Variants in CRACR2A observed in about 807,000 individuals in gnomAD.
The protein encoded by CRACR2A is calcium release activated channel regulator 2A.
A neutral mutation model predicts 90.5 loss-of-function variants in CRACR2A; 79 were observed. The ratio of observed to expected loss-of-function variants is 0.87; its 90% CI spans 0.73 to 1.05. The LOEUF is 1.05. CRACR2A is among the 50% of genes least tolerant of loss of function. The pLI is 0.00. For synonymous variants in CRACR2A, 338 were observed against 356.7 expected, an observed-to-expected ratio of 0.95 and a Z score of 0.59; for missense variants, 823 against 897.2, an observed-to-expected ratio of 0.92 and a Z score of 1.06.
intron 7 of CRACR2A, among the ~76,000 whole-genome samples, chr12:3,660,267 C>T (rs1438306088): frequency 6.6e-6 from 1 of 152,124 alleles, no homozygotes; most frequent in Non-Finnish European, 1.5e-5. Context: ...TACCACACCC[C>T]CCACCACAAA....
At chr12:3,662,991 G>C (rs1945065958) in intron 7 of CRACR2A, among the ~76,000 whole-genome samples, 1 of 152,130 alleles carries the variant, frequency 6.6e-6, no homozygotes, top group Non-Finnish European at 1.5e-5. Flanking sequence ...TGAAGATTTT[G>C]CCATCTATTC....
At chr12:3,634,065 C>T (rs770811167) in intron 14 of CRACR2A, among the ~76,000 whole-genome samples, 31 of 152,272 alleles carry the variant, frequency 2.0e-4, no homozygotes, top group Admixed American at 1.4e-3. Context: ...AAGGACAACT[C>T]GGTGCTCCAA....
chr12:3,750,995 C>T (rs1001444755), intron 1 of CRACR2A, among the ~76,000 whole-genome samples: 2 of 152,216 alleles, frequency 1.3e-5, no homozygotes, highest in East Asian at 1.9e-4. Context: ...GAATCCAAAT[C>T]GCCATCATCT....
At chr12:3,653,806 C>T (rs1400214726) in intron 10 of CRACR2A, among the ~76,000 whole-genome samples, 3 of 152,244 alleles carry the variant, frequency 2.0e-5, no homozygotes, top group Non-Finnish European at 4.4e-5. Flanking sequence ...GGTCTCTACA[C>T]GACCACAGTC....
At chr12:3,737,911 T>C (rs16930739) in intron 1 of CRACR2A, among the ~76,000 whole-genome samples, 1 of 152,164 alleles carries the variant, frequency 6.6e-6, no homozygotes, top group Non-Finnish European at 1.5e-5. Context: ...ATCGATAAAA[T>C]GATGTCTTCT....
intron 3 of CRACR2A, among the ~76,000 whole-genome samples, chr12:3,700,102 A>C (rs1246815854): frequency 1.3e-5 from 2 of 152,188 alleles, no homozygotes; most frequent in East Asian, 3.8e-4. Flanking sequence ...AGCTGAGTGA[A>C]GCCCCTACCG....
At chr12:3,649,816 G>A (rs1197358988) in intron 10 of CRACR2A, among the ~76,000 whole-genome samples, 2 of 151,840 alleles carry the variant, frequency 1.3e-5, no homozygotes, top group Non-Finnish European at 2.9e-5. Flanking sequence ...AGGAAGAAAG[G>A]GAGGGAAGGA....
intron 15 of CRACR2A, among the ~76,000 whole-genome samples, chr12:3,628,639 C>A (rs765477271): frequency 3.9e-5 from 6 of 152,188 alleles, no homozygotes; most frequent in African/African-American, 1.4e-4. Flanking sequence ...AGGTATTCCC[C>A]ACTCCTGCAT....
At chr12:3,740,925 G>C (rs1946515060) in intron 1 of CRACR2A, among the ~76,000 whole-genome samples, 1 of 152,160 alleles carries the variant, frequency 6.6e-6, no homozygotes, top group South Asian at 2.1e-4. Context: ...TCAGTGAGAA[G>C]TGACTTGAAT....
At chr12:3,679,434 CA>C (rs1945404163) in intron 5 of CRACR2A, among the ~76,000 whole-genome samples, 1 of 152,218 alleles carries the variant, frequency 6.6e-6, no homozygotes, top group African/African-American at 2.4e-5. Context: ...CCTTTCCCTG[CA>C]CTGCATTCCA....
chr12:3,667,269 A>C (rs1051508032), intron 7 of CRACR2A, among the ~76,000 whole-genome samples: 1 of 152,218 alleles, frequency 6.6e-6, no homozygotes, highest in South Asian at 2.1e-4. Context: ...CTTGGGTCCC[A>C]TGGTTCCATT....
chr12:3,674,788 C>A (rs994700066), intron 6 of CRACR2A, among the ~76,000 whole-genome samples: 3 of 152,130 alleles, frequency 2.0e-5, no homozygotes, highest in African/African-American at 7.2e-5. Context: ...ATCTATATAA[C>A]AAGATGTAAT....
intron 5 of CRACR2A, among the ~76,000 whole-genome samples, 199 bp downstream of exon 5, chr12:3,680,039 G>A (rs959734834): frequency 2.6e-5 from 4 of 152,192 alleles, no homozygotes; most frequent in South Asian, 2.1e-4. Flanking sequence ...CTGAGCAAGC[G>A]GCAATGTAAG....
intron 2 of CRACR2A, among the ~76,000 whole-genome samples, chr12:3,720,416 G>GAAAGA (rs1946147262): frequency 2.8e-5 from 3 of 106,710 alleles, no homozygotes; most frequent in Non-Finnish European, 5.6e-5. Flanking sequence ...TGAGAGAGAG[G>GAAAGA]AAGAAAGAAA....
At chr12:3,617,605 C>CA (rs1867715342) in intron 18 of CRACR2A, among the ~76,000 whole-genome samples, 1 of 152,224 alleles carries the variant, frequency 6.6e-6, no homozygotes. Flanking sequence ...CCCTGGCTGT[C>CA]AGCACTGGTG....
intron 9 of CRACR2A, among the ~76,000 whole-genome samples, chr12:3,655,894 T>C (rs914653814): frequency 6.6e-6 from 1 of 152,078 alleles, no homozygotes; most frequent in East Asian, 1.9e-4. Flanking sequence ...CCAGCAGAGG[T>C]ATCCATGGCC....
rs1052910924 is a variant in CRACR2A at position 3,633,614 on chromosome 12, C to T, written c.1725G>A (p.Ala575=). Residue 575 remains alanine (A), a synonymous_variant, in exon 15 of 20, where the codon GCG becomes GCA. Coordinates refer to ENST00000440314, the MANE Select transcript of CRACR2A (RefSeq NM_001144958.2). This position sits in a 1 kb window ranked among gnomAD's most constrained non-coding sequence, Gnocchi z 4.5. ...GGGATGAGAACTCACCCACAGTGGC[C>T]GCCATGCCTGGGGAGAACCGGTCCT... The part of the protein sequence containing the change: ...FCEDRFSPGM[A]ATVGIDYRVK... The T allele has an allele frequency of 2.8e-5, 44 of 1,551,710 alleles. No individual in the cohort carries two copies. The highest frequency in any genetic ancestry group is 2.2e-4 in the East Asian group (9 of 40,898).
At chr12:3,694,902 T>C (rs931841652) in intron 4 of CRACR2A, among the ~76,000 whole-genome samples, 14 of 152,298 alleles carry the variant, frequency 9.2e-5, no homozygotes, top group African/African-American at 3.4e-4. Context: ...TGGTGGCTTG[T>C]TGATTCAGGT....
At chr12:3,655,749 C>T (rs972613082) in intron 9 of CRACR2A, among the ~76,000 whole-genome samples, 2 of 152,164 alleles carry the variant, frequency 1.3e-5, no homozygotes, top group Non-Finnish European at 2.9e-5. Flanking sequence ...CCTGGAGGCT[C>T]GGGTACATCA....
Sources: allele counts gnomAD v4.1 joint callset (sites outside exome capture counted in the v4.1 genomes callset), GRCh38; gene constraint gnomAD v4.1.1; non-coding constraint Gnocchi (gnomAD v3.1); transcripts MANE v1.5; gene names NCBI Gene and HGNC (gene_info 2026-07-23, HGNC 2026-07-21).